DIAPH2: variants seen among roughly 807,000 people sequenced by gnomAD.
DIAPH2 encodes protein diaphanous homolog 2.
DIAPH2 carries 35 observed loss-of-function variants against 92.7 expected under a neutral mutation model. The ratio of observed to expected loss-of-function variants is 0.38; its 90% CI spans 0.29 to 0.50. The LOEUF (loss-of-function observed/expected upper bound fraction) is 0.50, where lower values mean the gene tolerates loss of function less well. Among genes scored for constraint, DIAPH2 ranks in the 20% least tolerant of loss-of-function variants. The pLI is 0.94. For synonymous variants in DIAPH2, 301 were observed against 280.4 expected, an observed-to-expected ratio of 1.07 and a Z score of -0.73; for missense variants, 701 against 819.5, an observed-to-expected ratio of 0.86 and a Z score of 1.77.
intron 5 of DIAPH2, among the ~76,000 whole-genome samples, chrX:96,891,831 A>G (rs2065309248): frequency 1.8e-5 from 2 of 111,912 alleles, no homozygotes; most frequent in African/African-American, 6.5e-5. Context: ...TAGTGTCTGT[A>G]TTCACATCCT....
At chrX:96,694,947 C>CTTTT (rs781695336) in intron 1 of DIAPH2, among the ~76,000 whole-genome samples, 1 of 90,215 alleles carries the variant, frequency 1.1e-5, no homozygotes, top group African/African-American at 4.1e-5. Context: ...AGCTAATGGT[C>CTTTT]TTTTTTTTTT....
chrX:97,502,827 T>A (rs753389547), intron 26 of DIAPH2, among the ~76,000 whole-genome samples: 22 of 112,617 alleles, frequency 2.0e-4, no homozygotes, highest in African/African-American at 6.8e-4. Flanking sequence ...CAATTTCAAG[T>A]AGGCGCTGAA....
intron 25 of DIAPH2, among the ~76,000 whole-genome samples, chrX:97,413,400 A>T (rs1026293310): frequency 9.0e-5 from 10 of 111,400 alleles, no homozygotes; most frequent in African/African-American, 3.3e-4. Context: ...TTGATGGAAC[A>T]TATCTCAAAA....
intron 4 of DIAPH2, among the ~76,000 whole-genome samples, chrX:96,827,854 C>T (rs2064825351): frequency 9.0e-6 from 1 of 111,701 alleles, no homozygotes; most frequent in Non-Finnish European, 1.9e-5. Context: ...CCGAGTTTCA[C>T]TCTGCTGCCC....
rs199759191 is a variant in DIAPH2 at position 97,044,233 on chromosome X, AT to A, written c.2051-28698del. On this transcript the variant is annotated intron_variant, in intron 17 of 26. Coordinates refer to ENST00000324765, the MANE Select transcript of DIAPH2 (RefSeq NM_006729.5). ...CACCAAACTGGTATATATGTGATTT[AT>A]TTTTTTTTTGGTCAAACCCTGTAAG... 7.8e-3 allele frequency among the ~76,000 whole-genome samples: 843 copies of A among 107,677 alleles called. 25 individuals carry two copies. Among genetic ancestry groups the A allele is most frequent in the Admixed American group, 0.064 (645 of 10,151 alleles). 93.5% of individuals were successfully genotyped at this position (107,677 alleles called of 115,157 possible).
chrX:97,297,487 G>A (rs1435682349), intron 23 of DIAPH2, among the ~76,000 whole-genome samples: 2 of 109,966 alleles, frequency 1.8e-5, no homozygotes, highest in South Asian at 3.9e-4. Context: ...CAATTTTCCT[G>A]TAGATTTTTA....
At chrX:97,532,788 T>C (rs930143493) in intron 26 of DIAPH2, among the ~76,000 whole-genome samples, 5 of 106,207 alleles carry the variant, frequency 4.7e-5, no homozygotes, top group Admixed American at 3.1e-4. Flanking sequence ...CATATTAAGA[T>C]ATTAGTTCCT....
chrX:97,014,283 AATTTACAGGCAAAG>A (rs2066246293), intron 17 of DIAPH2, among the ~76,000 whole-genome samples: 2 of 111,656 alleles, frequency 1.8e-5, no homozygotes, highest in East Asian at 5.6e-4. Context: ...ATTCGGGGGA[AATTTACAGGCAAAG>A]TGGGAATATC....
chrX:96,996,777 A>T lies in DIAPH2; in HGVS notation c.2050+31570A>T, dbSNP rs572563161. On this transcript the variant is annotated intron_variant, in intron 17 of 26. Transcript: ENST00000324765. ...ATGCCATGCATTTGGATGAGATGGA[A>T]TTGTGTGGGTATTCCAAAAGCACTG... 3.6e-5 allele frequency among the ~76,000 whole-genome samples: 4 copies of T among 111,769 alleles called. No homozygotes were observed. The Admixed American group carries it at 3.8e-4, about 11-fold the overall frequency.
chrX:96,809,390 A>G (rs764633541), intron 4 of DIAPH2, among the ~76,000 whole-genome samples: 1 of 110,704 alleles, frequency 9.0e-6, no homozygotes, highest in African/African-American at 3.3e-5. Context: ...GAATTTTTTA[A>G]GTGAATAGTA....
chrX:97,194,695 T>G (rs1227609140), intron 22 of DIAPH2, among the ~76,000 whole-genome samples: 1 of 111,984 alleles, frequency 8.9e-6, no homozygotes, highest in East Asian at 2.8e-4. Context: ...AGTATTGTTA[T>G]AGAGTTTAAG....
At chrX:97,395,546 A>G (rs768074489) in intron 25 of DIAPH2, among the ~76,000 whole-genome samples, 6 of 111,862 alleles carry the variant, frequency 5.4e-5, no homozygotes, top group Non-Finnish European at 1.1e-4. Context: ...CTATTTCCAG[A>G]ATACACTCTA....
chrX:97,255,976 C>T (rs2068232936), intron 23 of DIAPH2, among the ~76,000 whole-genome samples: 1 of 111,787 alleles, frequency 8.9e-6, no homozygotes, highest in Non-Finnish European at 1.9e-5. Context: ...GAATATATTG[C>T]TCAGTTAAAG....
intron 1 of DIAPH2, among the ~76,000 whole-genome samples, chrX:96,728,288 C>T (rs1234692395): frequency 9.1e-6 from 1 of 109,386 alleles, no homozygotes; most frequent in African/African-American, 3.3e-5. Flanking sequence ...CGGTTCACTG[C>T]AACCTCTGCC....
chrX:97,601,447 A>T lies in DIAPH2; in HGVS notation c.*2130A>T, dbSNP rs1045272218. The T allele has an allele frequency of 2.0e-4, 6 of 29,860 alleles. No individual in the cohort carries two copies. The highest frequency in any genetic ancestry group is 3.8e-4 in the African/African-American group (6 of 15,809). The allele number at this position is 29,860 out of a possible 1,213,427, so 2.5% of individuals were successfully genotyped here. A position where few individuals can be genotyped will look rare whatever the true frequency, so the allele number is the denominator to read the frequency against. On this transcript the variant is annotated 3_prime_UTR_variant, in exon 27 of 27. Coordinates refer to ENST00000324765, the MANE Select transcript of DIAPH2 (RefSeq NM_006729.5). ...ATCCCACATGCTTTTCACAAACATTAAAAAAAAAAACCTTTCAGGGTCTTT... is the reference window on the plus strand; with the variant it reads ...ATCCCACATGCTTTTCACAAACATTTAAAAAAAAAACCTTTCAGGGTCTTT...
At chrX:97,272,928 G>A (rs2068402033) in intron 23 of DIAPH2, among the ~76,000 whole-genome samples, 1 of 111,860 alleles carries the variant, frequency 8.9e-6, no homozygotes, top group Non-Finnish European at 1.9e-5. Context: ...GGCCGAGGCA[G>A]GCAGATCACC....
At chrX:97,188,803 T>C (rs1398741352) in intron 22 of DIAPH2, among the ~76,000 whole-genome samples, 1 of 112,362 alleles carries the variant, frequency 8.9e-6, no homozygotes, top group East Asian at 2.8e-4. Flanking sequence ...TTTTAAATGG[T>C]TTATTATGGT....
At chrX:97,086,547 C>CA (rs1287336317) in intron 19 of DIAPH2, among the ~76,000 whole-genome samples, 1 of 111,540 alleles carries the variant, frequency 9.0e-6, no homozygotes. Context: ...GTTCTCATCA[C>CA]AAAAAATTAA....
chrX:97,319,133 A>C (rs954215692), intron 23 of DIAPH2, among the ~76,000 whole-genome samples: 5 of 112,124 alleles, frequency 4.5e-5, no homozygotes, highest in African/African-American at 1.6e-4. Flanking sequence ...AAAATTGATG[A>C]GCAAACAGTT....
Sources: gnomAD v4.1 joint callset for allele counts (sites outside exome capture counted in the v4.1 genomes callset) on GRCh38, gnomAD v4.1.1 for gene constraint, MANE v1.5 for transcripts, NCBI Gene and HGNC (gene_info 2026-07-23, HGNC 2026-07-21) for gene names.